MAP3K20: variants seen among roughly 807,000 people sequenced by gnomAD.
MAP3K20 encodes the protein mitogen-activated protein kinase kinase kinase 20.
MAP3K20 carries 40 observed loss-of-function variants against 85.7 expected under a neutral mutation model. That is an observed-to-expected ratio of 0.47 (90% CI 0.36 to 0.61). MAP3K20 has a LOEUF of 0.61. Ranked by LOEUF, MAP3K20 falls within the 20% of genes least tolerant of loss-of-function variation. The probability of loss-of-function intolerance (pLI) is 0.00; values close to 1 mark genes in which losing one functional copy is unlikely to be tolerated. For synonymous variants in MAP3K20, 325 were observed against 327.7 expected (o/e 0.99, Z 0.09); for missense variants, 817 against 961.7 (o/e 0.85, Z 1.99).
At chr2:173,145,106 T>C (rs1559251089) in intron 2 of MAP3K20, among the ~76,000 whole-genome samples, 1 of 152,142 alleles carries the variant, frequency 6.6e-6, no homozygotes, top group Admixed American at 6.5e-5. Flanking sequence ...AACCTAAATG[T>C]AAAAGCGAAA....
chr2:173,262,938 G>A (rs1685330212), intron 18 of MAP3K20, among the ~76,000 whole-genome samples: 2 of 152,138 alleles, frequency 1.3e-5, no homozygotes, highest in Admixed American at 1.3e-4. Context: ...AGACAGTTTT[G>A]GAGACAGCAC....
intron 16 of MAP3K20, among the ~76,000 whole-genome samples, chr2:173,254,982 A>G (rs1250573251): frequency 6.6e-6 from 1 of 152,232 alleles, no homozygotes; most frequent in East Asian, 1.9e-4. Flanking sequence ...TAACAAGCAG[A>G]ACCTACTTTT....
chr2:173,159,580 G>A (rs1433809045), intron 2 of MAP3K20, among the ~76,000 whole-genome samples: 1 of 151,904 alleles, frequency 6.6e-6, no homozygotes, highest in Non-Finnish European at 1.5e-5. Flanking sequence ...TGTAGAGATA[G>A]GGTCTCACTA....
At chr2:173,170,888 C>G (rs1689980114) in intron 3 of MAP3K20, among the ~76,000 whole-genome samples, 2 of 152,174 alleles carry the variant, frequency 1.3e-5, no homozygotes, top group Non-Finnish European at 2.9e-5. Context: ...ACAGAAGCTC[C>G]TCTTCTATGC....
chr2:173,246,820 C>T (rs1183049426), intron 16 of MAP3K20, among the ~76,000 whole-genome samples: 2 of 152,110 alleles, frequency 1.3e-5, no homozygotes, highest in Non-Finnish European at 2.9e-5. Flanking sequence ...GGAAAAGTAA[C>T]GGAAACAGCA....
At chr2:173,164,790 A>T (rs1323025101) in intron 2 of MAP3K20, among the ~76,000 whole-genome samples, 1 of 152,214 alleles carries the variant, frequency 6.6e-6, no homozygotes, top group Non-Finnish European at 1.5e-5. Context: ...AATATCTCTG[A>T]ATCAGTCGTT....
At chr2:173,162,816 C>T (rs921799691) in intron 2 of MAP3K20, among the ~76,000 whole-genome samples, 2 of 152,048 alleles carry the variant, frequency 1.3e-5, no homozygotes, top group East Asian at 1.9e-4. Flanking sequence ...AAGAAGTGTA[C>T]CTTGTGTCAG....
chr2:173,114,349 G>T (rs985311095), intron 2 of MAP3K20, among the ~76,000 whole-genome samples: 1 of 152,120 alleles, frequency 6.6e-6, no homozygotes, highest in Non-Finnish European at 1.5e-5. Context: ...GCAGTTCTGT[G>T]TCTTTTAAGT....
intron 2 of MAP3K20, among the ~76,000 whole-genome samples, chr2:173,132,453 C>T (rs1188008477): frequency 2.0e-5 from 3 of 152,150 alleles, no homozygotes; most frequent in East Asian, 1.9e-4. Flanking sequence ...TGTGCTTTTT[C>T]GGACTCCAGC....
chr2:173,086,765 G>A (rs1687156485), intron 1 of MAP3K20, among the ~76,000 whole-genome samples: 1 of 152,112 alleles, frequency 6.6e-6, no homozygotes, highest in Non-Finnish European at 1.5e-5. Context: ...CACATTCCCT[G>A]GGCTTGTTCT....
chr2:173,246,696 T>C (rs1011109589), intron 16 of MAP3K20, among the ~76,000 whole-genome samples: 1 of 152,182 alleles, frequency 6.6e-6, no homozygotes, highest in Non-Finnish European at 1.5e-5. Flanking sequence ...ACAGACTTTG[T>C]TCCTTGCATC....
At chr2:173,251,594 C>T (rs1196511451) in intron 16 of MAP3K20, among the ~76,000 whole-genome samples, 1 of 152,130 alleles carries the variant, frequency 6.6e-6, no homozygotes, top group Non-Finnish European at 1.5e-5. Context: ...CCAGAACAGT[C>T]AAATTTCATC....
At chr2:173,145,655 G>A (rs1689115801) in intron 2 of MAP3K20, among the ~76,000 whole-genome samples, 1 of 152,116 alleles carries the variant, frequency 6.6e-6, no homozygotes. Context: ...ATTCTCATAT[G>A]TTTTTGGGGG....
chr2:173,135,464 G>A (rs1374110447), intron 2 of MAP3K20, among the ~76,000 whole-genome samples: 1 of 152,216 alleles, frequency 6.6e-6, no homozygotes, highest in African/African-American at 2.4e-5. Flanking sequence ...TAGAGGATGA[G>A]GAAGATGTGG....
At chr2:173,154,181 G>A (rs1422298221) in intron 2 of MAP3K20, among the ~76,000 whole-genome samples, 1 of 151,990 alleles carries the variant, frequency 6.6e-6, no homozygotes, top group African/African-American at 2.4e-5. Flanking sequence ...GAACCCAAAT[G>A]GAATCCATTC....
chr2:173,233,027 C>A (rs1488887534), intron 14 of MAP3K20, among the ~76,000 whole-genome samples: 1 of 152,128 alleles, frequency 6.6e-6, no homozygotes, highest in Non-Finnish European at 1.5e-5. Context: ...TGAATATCAC[C>A]CCCCTGCCCT....
intron 3 of MAP3K20, among the ~76,000 whole-genome samples, chr2:173,170,850 C>T (rs1430080894): frequency 6.6e-6 from 1 of 152,084 alleles, no homozygotes; most frequent in East Asian, 1.9e-4. Flanking sequence ...AGAACCAAAG[C>T]GGTATAAATT....
intron 4 of MAP3K20, among the ~76,000 whole-genome samples, chr2:173,186,380 T>C (rs1412077433): frequency 1.3e-5 from 2 of 152,270 alleles, no homozygotes; most frequent in African/African-American, 4.8e-5. Flanking sequence ...GAACTTCTTA[T>C]CAGAAGAGAA....
At chr2:173,225,102 A>G (rs1481778496) in intron 11 of MAP3K20, 1 of 978,150 alleles carries the variant, frequency 1.0e-6, no homozygotes, top group Admixed American at 6.6e-5. Context: ...TTCTTAATTC[A>G]TAAAGTTATC....
Sources: allele counts gnomAD v4.1 joint callset (sites outside exome capture counted in the v4.1 genomes callset), GRCh38; gene constraint gnomAD v4.1.1; transcripts MANE v1.5; gene names NCBI Gene and HGNC (gene_info 2026-07-23, HGNC 2026-07-21).